RCHY1: variants seen among roughly 807,000 people sequenced by gnomAD.
RCHY1 encodes the protein ring finger and CHY zinc finger domain containing 1.
In RCHY1, 21 loss-of-function variants were observed where a neutral mutation model predicts 41.6. That is an observed-to-expected ratio of 0.51 (90% CI 0.36 to 0.73). The LOEUF (loss-of-function observed/expected upper bound fraction) is 0.73, where lower values mean the gene tolerates loss of function less well. Ranked by LOEUF, RCHY1 falls within the 30% of genes least tolerant of loss-of-function variation. The pLI is 0.00. For synonymous variants in RCHY1, 79 were observed against 102.9 expected (o/e 0.77, Z 1.41); for missense variants, 265 against 325.3 (o/e 0.81, Z 1.43).
Position 75,508,849 on chromosome 4 carries a change from C to T in RCHY1, c.297G>A (p.Gln99=), listed in dbSNP as rs967111076. 4 of 1,609,004 alleles carry T rather than the reference C, an allele frequency of 2.5e-6. No homozygotes were observed. The Admixed American group carries it at 5.1e-5, about 20-fold the overall frequency. ...AAATTCCACAGTTTTCACAGTGATA[C>T]TGCTTCTTATCTTTGTCAAACAAAT... The part of the protein sequence containing the change: ...ICHLFDKDKK[Q]YHCENCGICR... The change falls in exon 3 of 9, where the codon CAG becomes CAA. Residue 99 remains glutamine (Q), a synonymous_variant. Transcript: ENST00000324439.
At chr4:75,505,432 T>A (rs578237968) in intron 3 of RCHY1, among the ~76,000 whole-genome samples, 88 of 152,320 alleles carry the variant, frequency 5.8e-4, no homozygotes, top group African/African-American at 2.0e-3. Flanking sequence ...AGATGTGTAC[T>A]TTGCAGTAAC....
chr4:75,512,755 C>T (rs906154731), intron 1 of RCHY1, among the ~76,000 whole-genome samples: 1 of 152,086 alleles, frequency 6.6e-6, no homozygotes, highest in Non-Finnish European at 1.5e-5. Flanking sequence ...CCTGATCTCT[C>T]CACTAAAACT....
Position 75,482,454 on chromosome 4 carries a change from A to G in RCHY1, c.*84T>C. On this transcript the variant is annotated 3_prime_UTR_variant, in exon 9 of 9. Transcript: ENST00000324439. ...AAAACACATCAACTCTAATGCATAGATGACGACACATGATAACACGATACC... is the reference window on the plus strand; with the variant it reads ...AAAACACATCAACTCTAATGCATAGGTGACGACACATGATAACACGATACC... The G allele has an allele frequency of 1.5e-6, 2 of 1,309,286 alleles. No homozygotes were observed. Among genetic ancestry groups the G allele is most frequent in the East Asian group, 2.5e-5 (1 of 40,612 alleles). The allele number at this position is 1,309,286 out of a possible 1,614,324, so 81.1% of individuals were successfully genotyped here.
At chr4:75,492,214 A>T (rs957800912) in intron 4 of RCHY1, among the ~76,000 whole-genome samples, 3 of 152,114 alleles carry the variant, frequency 2.0e-5, no homozygotes, top group Admixed American at 2.0e-4. Flanking sequence ...CAAGACACTT[A>T]CCCAAGATCC....
At chr4:75,496,925 G>T (rs1723261298) in intron 3 of RCHY1, among the ~76,000 whole-genome samples, 1 of 151,992 alleles carries the variant, frequency 6.6e-6, no homozygotes, top group Non-Finnish European at 1.5e-5. Context: ...ACAGATGTTA[G>T]AATTAATACA....
At chr4:75,509,383 C>G (rs1329511467) in intron 1 of RCHY1, 87 bp from the exon 2 acceptor site, 9 of 1,263,728 alleles carry the variant, frequency 7.1e-6, no homozygotes, top group Middle Eastern at 1.9e-4. Context: ...TCCTCCTCCT[C>G]CTGGATGGAA....
At chr4:75,492,041 G>T in intron 4 of RCHY1, 108 bp from the exon 5 acceptor site, 1 of 732,368 alleles carries the variant, frequency 1.4e-6, no homozygotes, top group Non-Finnish European at 2.1e-6. Flanking sequence ...AAAAATAATA[G>T]CTAACATTAA....
At chr4:75,482,727 T>A in intron 8 of RCHY1, 61 bp from the exon 9 acceptor site, 1 of 1,203,398 alleles carries the variant, frequency 8.3e-7, no homozygotes, top group Non-Finnish European at 1.1e-6. Context: ...TAGCATTGTC[T>A]ACTCATAATC....
chr4:75,487,632 T>TATATTCATA (rs1553917603), intron 8 of RCHY1, among the ~76,000 whole-genome samples: 10 of 14,116 alleles, frequency 7.1e-4, no homozygotes, highest in South Asian at 3.2e-3. Context: ...ATATTCATAA[T>TATATTCATA]ATATATATTC....
At chr4:75,514,492 G>C, upstream of RCHY1, 2 of 539,864 alleles carry the variant, frequency 3.7e-6, no homozygotes, top group South Asian at 5.4e-5. Flanking sequence ...CTCCGTCGTT[G>C]ACGTTAGTCG....
In RCHY1 at chr4:75,492,431, C is replaced by G. The variant is rs185335276; in HGVS notation, c.406-498G>C. Among the ~76,000 whole-genome samples the G allele has an allele frequency of 9.2e-5, 14 of 151,878 alleles. No individual in the cohort carries two copies. The East Asian group carries it at 2.7e-3, about 29-fold the overall frequency. On this transcript the variant is annotated intron_variant, in intron 4 of 8. Transcript: ENST00000324439. The stretch of plus-strand genomic sequence containing the variant: ...ATGAAATAGGCTATGATTGTTATAC[C>G]ATTTTACAGTTAAAGCAGTGGAGGC...
intron 8 of RCHY1, among the ~76,000 whole-genome samples, chr4:75,489,637 C>G (rs1027808281): frequency 1.3e-5 from 2 of 152,158 alleles, no homozygotes; most frequent in Admixed American, 1.3e-4. Context: ...GGCCTGTATA[C>G]CTAATAATAA....
chr4:75,513,967 A>C, intron 1 of RCHY1: 3 of 533,510 alleles, frequency 5.6e-6, no homozygotes, highest in Non-Finnish European at 9.5e-6. Context: ...GTGCAAGCCT[A>C]ATCACTTCCC....
rs556349883 is a variant in RCHY1 at position 75,482,281 on chromosome 4, T to C, written c.*257A>G. On this transcript the variant is annotated 3_prime_UTR_variant, in exon 9 of 9. Coordinates refer to ENST00000324439, the MANE Select transcript of RCHY1 (RefSeq NM_015436.4). ...ATGAATGTATCAGTGGCAAACATCA[T>C]TGGCTTCCAAAAAACTGACACTAAA... 2.4e-5 allele frequency: 6 copies of C among 254,622 alleles called. No individual in the cohort carries two copies. The highest frequency in any genetic ancestry group is 1.1e-4 in the African/African-American group (5 of 45,218). The allele number at this position is 254,622 out of a possible 1,614,324, so 15.8% of individuals were successfully genotyped here.
chr4:75,503,397 A>G (rs1723976558), intron 3 of RCHY1, among the ~76,000 whole-genome samples: 1 of 152,206 alleles, frequency 6.6e-6, no homozygotes, highest in African/African-American at 2.4e-5. Context: ...ATTTCTAAGG[A>G]CAAAAAGAAA....
intron 1 of RCHY1, among the ~76,000 whole-genome samples, chr4:75,512,335 C>T (rs1442876460): frequency 3.9e-5 from 6 of 152,202 alleles, no homozygotes; most frequent in African/African-American, 1.4e-4. Context: ...AGTAAACATA[C>T]TTCCTGCTGA....
intron 3 of RCHY1, among the ~76,000 whole-genome samples, chr4:75,499,766 G>A (rs28877578): frequency 0.4 from 60,219 of 152,018 alleles, 12,094 homozygotes; most frequent in East Asian, 0.42. Context: ...AAGCCTACAA[G>A]GGTAGGGAGG....
At chr4:75,491,226 A>G (rs1316516295) in intron 7 of RCHY1, 1 of 170,264 alleles carries the variant, frequency 5.9e-6, no homozygotes, top group East Asian at 1.7e-4. Flanking sequence ...TTTAATGATC[A>G]CTTCACCTAC....
At chr4:75,491,441 A>G (rs1431377816) in intron 7 of RCHY1, 170 bp downstream of exon 7, 2 of 582,558 alleles carry the variant, frequency 3.4e-6, no homozygotes, top group Non-Finnish European at 6.0e-6. Context: ...GTAGTTCTAT[A>G]TCCAAGACAC....
Sources: gnomAD v4.1 joint callset for allele counts (sites outside exome capture counted in the v4.1 genomes callset) on GRCh38, gnomAD v4.1.1 for gene constraint, MANE v1.5 for transcripts, NCBI Gene and HGNC (gene_info 2026-07-23, HGNC 2026-07-21) for gene names.